PTPRO: variants seen among roughly 807,000 people sequenced by gnomAD.
PTPRO encodes receptor-type tyrosine-protein phosphatase O.
In PTPRO, 62 loss-of-function variants were observed where a neutral mutation model predicts 145.2. The ratio of observed to expected loss-of-function variants is 0.43; its 90% CI spans 0.35 to 0.53. The LOEUF is 0.53. PTPRO is among the 20% of genes least tolerant of loss of function. PTPRO has a pLI of 0.01. For synonymous variants in PTPRO, 565 were observed against 514.7 expected (o/e 1.10, Z -1.32); for missense variants, 1,345 against 1,482.7 (o/e 0.91, Z 1.53).
chr12:15,374,801 C>T (rs953641869), intron 1 of PTPRO, among the ~76,000 whole-genome samples: 3 of 152,114 alleles, frequency 2.0e-5, no homozygotes, highest in African/African-American at 7.2e-5. Flanking sequence ...AATGAGATAT[C>T]CATAGAGGTC....
chr12:15,593,206 G>C (rs554536674), intron 25 of PTPRO, among the ~76,000 whole-genome samples: 2 of 152,176 alleles, frequency 1.3e-5, no homozygotes, highest in East Asian at 3.8e-4. Flanking sequence ...TCTCCAAACC[G>C]TGTTGAAAAA....
At chr12:15,409,642 G>A (rs766423893) in intron 1 of PTPRO, among the ~76,000 whole-genome samples, 6 of 152,214 alleles carry the variant, frequency 3.9e-5, no homozygotes, top group Non-Finnish European at 7.3e-5. Flanking sequence ...ACTGTCATCT[G>A]CTTCTGGGGA....
At chr12:15,375,929 G>A (rs987787015) in intron 1 of PTPRO, among the ~76,000 whole-genome samples, 2 of 152,228 alleles carry the variant, frequency 1.3e-5, no homozygotes, top group Admixed American at 6.5e-5. Context: ...CTTTAAGACA[G>A]GTCAACTGAG....
intron 1 of PTPRO, among the ~76,000 whole-genome samples, chr12:15,390,617 C>T (rs1420140426): frequency 6.6e-6 from 1 of 152,082 alleles, no homozygotes; most frequent in African/African-American, 2.4e-5. Context: ...ACATGGGTAT[C>T]CCACACCATG....
intron 1 of PTPRO, among the ~76,000 whole-genome samples, chr12:15,433,763 G>A (rs1940518793): frequency 6.6e-6 from 1 of 152,148 alleles, no homozygotes; most frequent in Non-Finnish European, 1.5e-5. Context: ...ATTGTAGCCT[G>A]CAGTATAGTT....
chr12:15,551,449 C>A, intron 14 of PTPRO, 102 bp from the exon 15 acceptor site: 2 of 1,413,112 alleles, frequency 1.4e-6, no homozygotes, highest in Non-Finnish European at 2.0e-6. Context: ...TTGGTATCAT[C>A]GTAAGCTCAC....
At chr12:15,560,401 T>C (rs1293864597) in intron 17 of PTPRO, 125 bp downstream of exon 17, 1 of 730,692 alleles carries the variant, frequency 1.4e-6, no homozygotes. Context: ...TTATTAATCA[T>C]GTATTGAAGT....
chr12:15,510,879 C>G (rs886857417), intron 7 of PTPRO, among the ~76,000 whole-genome samples: 1 of 151,594 alleles, frequency 6.6e-6, no homozygotes, highest in East Asian at 1.9e-4. Flanking sequence ...TTTAAGAGTC[C>G]ATCATATACA....
At chr12:15,573,274 C>T (rs1944101025) in intron 19 of PTPRO, among the ~76,000 whole-genome samples, 2 of 152,260 alleles carry the variant, frequency 1.3e-5, no homozygotes, top group South Asian at 4.1e-4. Flanking sequence ...GGACCTGTCT[C>T]TTCTCATCAG....
chr12:15,370,851 T>C (rs1938505862), intron 1 of PTPRO, among the ~76,000 whole-genome samples: 1 of 152,160 alleles, frequency 6.6e-6, no homozygotes, highest in South Asian at 2.1e-4. Flanking sequence ...AAAAAGTTCA[T>C]TGAAACACTA....
At chr12:15,517,561 T>G (rs916996218) in intron 9 of PTPRO, among the ~76,000 whole-genome samples, 4 of 152,186 alleles carry the variant, frequency 2.6e-5, no homozygotes, top group Non-Finnish European at 5.9e-5. Context: ...ACAAGGCAAG[T>G]CCCTTCTGCC....
chr12:15,339,101 C>G (rs1866878118), intron 1 of PTPRO, among the ~76,000 whole-genome samples: 2 of 152,040 alleles, frequency 1.3e-5, no homozygotes, highest in African/African-American at 2.4e-5. Flanking sequence ...AATAAATGTC[C>G]TTGCATTCAG....
At chr12:15,499,359 T>C in intron 3 of PTPRO, 83 bp from the exon 4 acceptor site, 9 of 1,331,362 alleles carry the variant, frequency 6.8e-6, no homozygotes, top group Non-Finnish European at 7.6e-6. Context: ...TGTGAATGTT[T>C]AGCCATAATT....
chr12:15,489,290 C>T (rs966250355), intron 2 of PTPRO, among the ~76,000 whole-genome samples: 6 of 151,868 alleles, frequency 4.0e-5, no homozygotes, highest in Non-Finnish European at 7.4e-5. Flanking sequence ...GAATTCAGGG[C>T]GAGTGCACAC....
chr12:15,398,459 C>CTAGCTA (rs1939403010), intron 1 of PTPRO, among the ~76,000 whole-genome samples: 1 of 150,166 alleles, frequency 6.7e-6, no homozygotes, highest in African/African-American at 2.5e-5. Context: ...TATTTATATG[C>CTAGCTA]TAGCTATAGC....
chr12:15,413,072 C>A (rs555829456), intron 1 of PTPRO, among the ~76,000 whole-genome samples: 1 of 152,034 alleles, frequency 6.6e-6, no homozygotes, highest in African/African-American at 2.4e-5. Context: ...GGATCACAGG[C>A]GTGAGCCACC....
chr12:15,481,362 A>G (rs1358369919), intron 1 of PTPRO, among the ~76,000 whole-genome samples: 1 of 152,212 alleles, frequency 6.6e-6, no homozygotes, highest in Admixed American at 6.5e-5. Context: ...GTATTTTTTC[A>G]AAACATGTAA....
chr12:15,567,163 C>T (rs75428410), intron 18 of PTPRO, among the ~76,000 whole-genome samples: 2 of 152,032 alleles, frequency 1.3e-5, no homozygotes, highest in African/African-American at 2.4e-5. Context: ...CAAAAAAAAA[C>T]TCACATCAAT....
At chr12:15,359,817 A>T (rs949060623) in intron 1 of PTPRO, among the ~76,000 whole-genome samples, 9 of 152,156 alleles carry the variant, frequency 5.9e-5, no homozygotes, top group African/African-American at 1.9e-4. Context: ...TTATGTGTTC[A>T]GCATCTCTCT....
Sources: gnomAD v4.1 joint callset for allele counts (sites outside exome capture counted in the v4.1 genomes callset) on GRCh38, gnomAD v4.1.1 for gene constraint, MANE v1.5 for transcripts, NCBI Gene and HGNC (gene_info 2026-07-23, HGNC 2026-07-21) for gene names.